Variants in PIBF1 observed in about 807,000 individuals in gnomAD.
PIBF1 encodes the protein progesterone-induced-blocking factor 1.
A neutral mutation model predicts 112.5 loss-of-function variants in PIBF1; 90 were observed. The ratio of observed to expected loss-of-function variants is 0.80; its 90% confidence interval spans 0.67 to 0.95. PIBF1 has a LOEUF of 0.95. Among genes scored for constraint, PIBF1 ranks in the 40% least tolerant of loss-of-function variants. The pLI is 0.00. For missense variants in PIBF1, 915 were observed against 852.3 expected (o/e 1.07, Z -0.92); for synonymous variants, 301 against 288.6 (o/e 1.04, Z -0.44).
intron 17 of PIBF1, among the ~76,000 whole-genome samples, chr13:73,004,216 C>T (rs1594354877): frequency 1.3e-5 from 2 of 152,002 alleles, no homozygotes; most frequent in East Asian, 1.9e-4. Flanking sequence ...ATTGGCCAGG[C>T]GCGGTGGCTC....
intron 9 of PIBF1, among the ~76,000 whole-genome samples, chr13:72,845,857 C>A (rs1196369677): frequency 1.3e-5 from 2 of 152,130 alleles, no homozygotes; most frequent in Non-Finnish European, 2.9e-5. Context: ...CCATACTACT[C>A]CAACAAAGAT....
intron 2 of PIBF1, among the ~76,000 whole-genome samples, chr13:72,791,292 G>T (rs2034915723): frequency 6.6e-6 from 1 of 152,102 alleles, no homozygotes; most frequent in African/African-American, 2.4e-5. Flanking sequence ...CTGACCTTGT[G>T]ATACACCCGC....
At chr13:73,012,411 GAAGA>G (rs2044230647) in intron 17 of PIBF1, among the ~76,000 whole-genome samples, 1 of 151,926 alleles carries the variant, frequency 6.6e-6, no homozygotes, top group Non-Finnish European at 1.5e-5. Context: ...GGACATTGCT[GAAGA>G]AAGAATCTCT....
chr13:72,827,938 G>A (rs1215415814), intron 8 of PIBF1, 24 bp downstream of exon 8: 22 of 1,474,088 alleles, frequency 1.5e-5, no homozygotes, highest in Non-Finnish European at 1.8e-5. Context: ...TATTTCCCAC[G>A]TAAATAGATA....
At chr13:72,961,943 C>G (rs1174047551) in intron 14 of PIBF1, among the ~76,000 whole-genome samples, 2 of 151,780 alleles carry the variant, frequency 1.3e-5, no homozygotes, top group Non-Finnish European at 2.9e-5. Flanking sequence ...TAGTCATACC[C>G]CTTAGCCTAG....
At chr13:72,858,650 A>G (rs1192839745) in intron 10 of PIBF1, among the ~76,000 whole-genome samples, 3 of 152,170 alleles carry the variant, frequency 2.0e-5, no homozygotes, top group African/African-American at 7.2e-5. Context: ...TGTACCTCAT[A>G]AATATGTACC....
At chr13:72,954,727 T>A (rs1488231169) in intron 14 of PIBF1, among the ~76,000 whole-genome samples, 1 of 152,226 alleles carries the variant, frequency 6.6e-6, no homozygotes, top group Admixed American at 6.5e-5. Context: ...TTCCATCTGG[T>A]TCACAGTGTA....
chr13:72,788,760 G>C (rs2034735106), intron 2 of PIBF1, among the ~76,000 whole-genome samples: 1 of 152,164 alleles, frequency 6.6e-6, no homozygotes, highest in Admixed American at 6.5e-5. Flanking sequence ...AAAAACCAGA[G>C]TATGTCAGAA....
At chr13:72,946,440 A>G (rs1227297516) in intron 14 of PIBF1, among the ~76,000 whole-genome samples, 2 of 152,096 alleles carry the variant, frequency 1.3e-5, no homozygotes, top group Admixed American at 1.3e-4. Context: ...ATCATTCTGC[A>G]CCTGGACCCT....
intron 17 of PIBF1, among the ~76,000 whole-genome samples, chr13:73,000,041 A>AAAAAT (rs531299043): frequency 2.5e-4 from 38 of 152,360 alleles, no homozygotes; most frequent in African/African-American, 7.0e-4. Flanking sequence ...CTCTGCCTCA[A>AAAAAT]AAAATAAAAT....
At position 72,864,305 on chromosome 13, in the gene PIBF1, G is replaced by A. The variant is rs74512534; in HGVS notation, c.1322+10150G>A. Among the ~76,000 whole-genome samples the A allele has an allele frequency of 6.4e-3, 974 of 152,228 alleles. 13 individuals are homozygous for A. Among genetic ancestry groups the A allele is most frequent in the African/African-American group, 0.022 (904 of 41,526 alleles). On this transcript the variant is annotated intron_variant, in intron 10 of 17. Coordinates refer to ENST00000326291, the MANE Select transcript of PIBF1 (RefSeq NM_006346.4). Reference sequence around the variant, plus strand: ...CAGCTGCCTCCCAAATGTGTAATTCGGGGTTACACGTTGAGAGAGTAGACT... The same window carrying A: ...CAGCTGCCTCCCAAATGTGTAATTCAGGGTTACACGTTGAGAGAGTAGACT...
Position 72,806,378 on chromosome 13 carries a change from T to TC in PIBF1, c.672+8352_672+8353insC, listed in dbSNP as rs538034101. On this transcript the variant is annotated intron_variant, in intron 5 of 17. Coordinates refer to ENST00000326291, the MANE Select transcript of PIBF1 (RefSeq NM_006346.4). The stretch of plus-strand genomic sequence containing the variant: ...TGTAGCATGTGACAGAATTTTCTTT[T>TC]TTTTTTTTATTGTACTTTAAGTTCT... Among the ~76,000 whole-genome samples, 20 of 152,180 alleles carry TC rather than the reference T, an allele frequency of 1.3e-4. No individual in the cohort carries two copies. In the South Asian group the frequency reaches 4.2e-3, roughly 32 times the overall value.
chr13:73,007,272 A>C (rs1242192984), intron 17 of PIBF1, among the ~76,000 whole-genome samples: 1 of 150,970 alleles, frequency 6.6e-6, no homozygotes, highest in African/African-American at 2.4e-5. Context: ...GAATTATCAA[A>C]ATAAAAAGCA....
chr13:72,839,154 A>G (rs375968955), intron 9 of PIBF1, among the ~76,000 whole-genome samples: 20 of 152,358 alleles, frequency 1.3e-4, no homozygotes, highest in East Asian at 5.8e-4. Context: ...GAGAGGGTCT[A>G]CTTTTAGAGG....
At chr13:72,970,566 A>G (rs1051185783) in intron 15 of PIBF1, 1 of 152,216 alleles carries the variant, frequency 6.6e-6, no homozygotes, top group African/African-American at 2.4e-5. Flanking sequence ...AAACAGAGCC[A>G]TAAACATGAA....
At chr13:72,973,251 C>G (rs190211516) in intron 15 of PIBF1, among the ~76,000 whole-genome samples, 10 of 150,384 alleles carry the variant, frequency 6.6e-5, no homozygotes, top group African/African-American at 2.5e-4. Flanking sequence ...CCACTGCACT[C>G]CAGCCTGGGC....
At chr13:72,875,999 G>A (rs1242474781) in intron 10 of PIBF1, among the ~76,000 whole-genome samples, 1 of 151,938 alleles carries the variant, frequency 6.6e-6, no homozygotes, top group Non-Finnish European at 1.5e-5. Context: ...TGTCTAAAAA[G>A]TCATGGCCCA....
intron 11 of PIBF1, among the ~76,000 whole-genome samples, chr13:72,896,568 G>A (rs2040289100): frequency 6.6e-6 from 1 of 151,820 alleles, no homozygotes; most frequent in Non-Finnish European, 1.5e-5. Context: ...AAGAAGTGAA[G>A]GGAGAAATAT....
In PIBF1 at chr13:72,886,438, ACT is replaced by A. The variant is rs2039858549; in HGVS notation, c.1323-7345_1323-7344del. Among the ~76,000 whole-genome samples, 4 of 151,844 alleles carry A rather than the reference ACT, an allele frequency of 2.6e-5. No individual in the cohort carries two copies. In the South Asian group the frequency reaches 8.3e-4, roughly 32 times the overall value. The stretch of plus-strand genomic sequence containing the variant: ...CCTAGTGTTATAAAGTTTTTATAAC[ACT>A]GTTATAAAAATTTTATAACAGTGTT... On this transcript the variant is annotated intron_variant, in intron 10 of 17. Coordinates refer to ENST00000326291, the MANE Select transcript of PIBF1 (RefSeq NM_006346.4).
Sources: gnomAD v4.1 joint callset for allele counts (sites outside exome capture counted in the v4.1 genomes callset) on GRCh38, gnomAD v4.1.1 for gene constraint, MANE v1.5 for transcripts, NCBI Gene and HGNC (gene_info 2026-07-23, HGNC 2026-07-21) for gene names.